LRP1B: variants seen among roughly 807,000 people sequenced by gnomAD.
LRP1B encodes LDL receptor related protein 1B.
In LRP1B, 217 loss-of-function variants were observed where a neutral mutation model predicts 556.6. The observed-to-expected ratio is 0.39, with a 90% confidence interval of 0.35 to 0.44. The LOEUF (loss-of-function observed/expected upper bound fraction) is 0.44. Ranked by LOEUF, LRP1B falls within the 20% of genes least tolerant of loss-of-function variation. The pLI, the probability that LRP1B is intolerant of heterozygous loss-of-function variation, is 1.00. For synonymous variants in LRP1B, 2,047 were observed against 1,865.8 expected (o/e 1.10, Z -2.50); for missense variants, 5,053 against 5,620.8 (o/e 0.90, Z 3.23).
At chr2:141,448,580 G>C (rs150750486) in intron 3 of LRP1B, among the ~76,000 whole-genome samples, 1 of 152,140 alleles carries the variant, frequency 6.6e-6, no homozygotes, top group Non-Finnish European at 1.5e-5. Context: ...TGGCAAAAGC[G>C]TAGTATCTGG....
At position 141,803,392 on chromosome 2, in the gene LRP1B, A is replaced by G. The variant is rs1008573054; in HGVS notation, c.205+6887T>C. Reference sequence around the variant, plus strand: ...ATCCCCACCTTCCTATCCCCCCTGCATATCAACTCTTAAGTGGGAGTCTTT... The same window carrying G: ...ATCCCCACCTTCCTATCCCCCCTGCGTATCAACTCTTAAGTGGGAGTCTTT... On this transcript the variant is annotated intron_variant, in intron 2 of 90. Transcript: ENST00000389484. Among the ~76,000 whole-genome samples the G allele has an allele frequency of 4.0e-5, 6 of 151,826 alleles. No homozygotes were observed. The East Asian group carries it at 7.8e-4, about 20-fold the overall frequency.
chr2:141,939,965 C>A (rs1157991912), intron 1 of LRP1B, among the ~76,000 whole-genome samples: 1 of 152,022 alleles, frequency 6.6e-6, no homozygotes, highest in Non-Finnish European at 1.5e-5. Context: ...ACATTATATG[C>A]AATATCTTTG....
chr2:141,249,439 A>T (rs531400650), intron 4 of LRP1B, among the ~76,000 whole-genome samples: 6 of 152,216 alleles, frequency 3.9e-5, no homozygotes, highest in Admixed American at 2.6e-4. Context: ...TCCACTAAAA[A>T]TACAAAAATT....
At chr2:141,012,308 C>T (rs933126984) in intron 14 of LRP1B, among the ~76,000 whole-genome samples, 4 of 151,900 alleles carry the variant, frequency 2.6e-5, no homozygotes, top group African/African-American at 9.7e-5. Flanking sequence ...AAAATGTGAT[C>T]GTATATTGAT....
intron 1 of LRP1B, among the ~76,000 whole-genome samples, chr2:142,103,895 G>A (rs527539619): frequency 1.3e-5 from 2 of 152,188 alleles, no homozygotes; most frequent in South Asian, 2.1e-4. Flanking sequence ...GGATTCATTA[G>A]CAGAACGTGT....
At chr2:141,977,889 T>C (rs1701930549) in intron 1 of LRP1B, among the ~76,000 whole-genome samples, 1 of 152,158 alleles carries the variant, frequency 6.6e-6, no homozygotes, top group South Asian at 2.1e-4. Context: ...ACTTAAAATA[T>C]CCATTATTCC....
chr2:140,364,714 C>G lies in LRP1B; in HGVS notation c.11078G>C (p.Cys3693Ser). The change falls in exon 72 of 91, where the codon TGT becomes TCT. Residue 3693 changes from cysteine to serine, a missense_variant. This residue lies in a region of LRP1B where 599 missense variants were observed against 648.4 expected (regional missense o/e 0.92). Coordinates refer to ENST00000389484, the MANE Select transcript of LRP1B (RefSeq NM_018557.3). ...GTCTCCACAGTCGTCCTCTCCATCA[C>G]ACACCCAGAAATGTAGTTTGCAGAG... is the stretch of plus-strand genomic sequence containing the variant. ...NSLCKLHFWV[C>S]DGEDDCGDNS... 1 of 1,610,472 alleles carries G rather than the reference C, an allele frequency of 6.2e-7. No homozygotes were observed. Among genetic ancestry groups the G allele is most frequent in the Admixed American group, 1.7e-5 (1 of 59,728 alleles).
chr2:140,748,782 ATAATATATAT>A (rs1688452707), intron 35 of LRP1B, among the ~76,000 whole-genome samples: 1 of 52,754 alleles, frequency 1.9e-5, no homozygotes, highest in African/African-American at 5.6e-5. Flanking sequence ...TAATATGTAT[ATAATATATAT>A]TATATACATA....
intron 2 of LRP1B, among the ~76,000 whole-genome samples, chr2:141,760,375 A>G (rs1694497115): frequency 6.6e-6 from 1 of 152,206 alleles, no homozygotes; most frequent in Non-Finnish European, 1.5e-5. Flanking sequence ...TGAAAATGTC[A>G]TAATAGATGT....
intron 7 of LRP1B, among the ~76,000 whole-genome samples, chr2:141,152,961 T>C (rs1413092335): frequency 1.3e-5 from 2 of 150,902 alleles, no homozygotes; most frequent in East Asian, 3.9e-4. Flanking sequence ...CTTAGTTTAC[T>C]CTTAGACAGT....
At chr2:140,558,822 G>A (rs1680827104) in intron 43 of LRP1B, among the ~76,000 whole-genome samples, 1 of 151,832 alleles carries the variant, frequency 6.6e-6, no homozygotes, top group Non-Finnish European at 1.5e-5. Flanking sequence ...TGTAGTTCCA[G>A]CTACTCAGGA....
At chr2:140,558,915 A>G (rs1680830502) in intron 43 of LRP1B, among the ~76,000 whole-genome samples, 1 of 151,672 alleles carries the variant, frequency 6.6e-6, no homozygotes, top group South Asian at 2.1e-4. Flanking sequence ...CAGCCTGGGC[A>G]ACAGAGCCAG....
rs146935476 is a variant in LRP1B at position 140,678,515 on chromosome 2, T to G, written c.6799+21735A>C. Among the ~76,000 whole-genome samples the G allele has an allele frequency of 9.9e-3, 1,514 of 152,292 alleles. 13 individuals are homozygous for G. The highest frequency in any genetic ancestry group is 0.031 in the Middle Eastern group (9 of 294). ...TAGCATTAAAGACTGGACAAGGCATTTTTTCCCCTTTAAGTAAGCAAATGG... is the reference window on the plus strand; with the variant it reads ...TAGCATTAAAGACTGGACAAGGCATGTTTTCCCCTTTAAGTAAGCAAATGG... On this transcript the variant is annotated intron_variant, in intron 41 of 90. Coordinates refer to ENST00000389484, the MANE Select transcript of LRP1B (RefSeq NM_018557.3).
intron 20 of LRP1B, among the ~76,000 whole-genome samples, chr2:140,946,198 A>G (rs1404090651): frequency 6.6e-6 from 1 of 152,218 alleles, no homozygotes; most frequent in Non-Finnish European, 1.5e-5. Context: ...AAGTCAAAAA[A>G]TAACAGATGT....
intron 2 of LRP1B, among the ~76,000 whole-genome samples, chr2:141,551,835 C>T (rs1487296574): frequency 6.6e-6 from 1 of 152,100 alleles, no homozygotes; most frequent in South Asian, 2.1e-4. Context: ...ATAATAAACA[C>T]CCCATTATTT....
chr2:142,083,531 CAG>C (rs1705797733), intron 1 of LRP1B, among the ~76,000 whole-genome samples: 1 of 152,094 alleles, frequency 6.6e-6, no homozygotes, highest in Non-Finnish European at 1.5e-5. Context: ...TATGTGTAAA[CAG>C]ATAATATTTA....
chr2:140,271,936 C>T (rs939253033), intron 85 of LRP1B, among the ~76,000 whole-genome samples: 1 of 151,734 alleles, frequency 6.6e-6, no homozygotes, highest in African/African-American at 2.4e-5. Flanking sequence ...GGAACAGCCT[C>T]AAAAGGGAAA....
chr2:140,357,931 G>A (rs1558826575), intron 74 of LRP1B, 48 bp downstream of exon 74: 6 of 1,578,064 alleles, frequency 3.8e-6, no homozygotes, highest in South Asian at 1.1e-5. Context: ...ACAAGCAGAA[G>A]TTAGACTTGT....
At chr2:140,760,891 AAAAAT>A (rs201180828) in intron 35 of LRP1B, among the ~76,000 whole-genome samples, 1 of 152,142 alleles carries the variant, frequency 6.6e-6, no homozygotes, top group Non-Finnish European at 1.5e-5. Flanking sequence ...TCTGTCTCAA[AAAAAT>A]AAAATAAAAT....
Sources: gnomAD v4.1 joint callset for allele counts (sites outside exome capture counted in the v4.1 genomes callset) on GRCh38, gnomAD v4.1.1 for gene constraint, gnomAD v4.1.1 regional missense constraint, MANE v1.5 for transcripts, NCBI Gene and HGNC (gene_info 2026-07-23, HGNC 2026-07-21) for gene names.